The following ANKS1B variants were observed in gnomAD, a reference collection of about 807,000 sequenced individuals.
ANKS1B encodes the protein ankyrin repeat and sterile alpha motif domain-containing protein 1B.
Under a neutral mutation model 148.3 loss-of-function variants are expected in ANKS1B, and 36 were observed. That is an observed-to-expected ratio of 0.24 (90% CI 0.19 to 0.32). The LOEUF is 0.32. Ranked by LOEUF, ANKS1B falls within the 10% of genes least tolerant of loss-of-function variation. The pLI, the probability that ANKS1B is intolerant of heterozygous loss-of-function variation, is 1.00. For synonymous variants in ANKS1B, 542 were observed against 560.8 expected, an observed-to-expected ratio of 0.97 and a Z score of 0.47; for missense variants, 1,157 against 1,542.6, an observed-to-expected ratio of 0.75 and a Z score of 4.19.
chr12:99,209,633 C>T (rs1002060461), intron 14 of ANKS1B, among the ~76,000 whole-genome samples: 9 of 152,174 alleles, frequency 5.9e-5, no homozygotes, highest in African/African-American at 2.2e-4. Flanking sequence ...TAACCAGAGA[C>T]ATTCAAACTA....
At chr12:99,675,921 T>C (rs1380994750) in intron 8 of ANKS1B, among the ~76,000 whole-genome samples, 2 of 152,166 alleles carry the variant, frequency 1.3e-5, no homozygotes, top group East Asian at 3.8e-4. Flanking sequence ...TTCTGTTTCA[T>C]TTTTATAGTG....
intron 1 of ANKS1B, among the ~76,000 whole-genome samples, chr12:99,869,000 C>T (rs535339405): frequency 8.9e-4 from 135 of 151,876 alleles, no homozygotes; most frequent in Middle Eastern, 6.9e-3. Context: ...GAGGTTGTAG[C>T]GAGTGGAGAT....
At chr12:98,759,673 A>G (rs1285219584) in intron 25 of ANKS1B, among the ~76,000 whole-genome samples, 3 of 152,210 alleles carry the variant, frequency 2.0e-5, no homozygotes, top group South Asian at 2.1e-4. Context: ...AATATTCATT[A>G]AAGTGTTTAA....
chr12:98,887,339 C>T (rs2099742362), intron 17 of ANKS1B, among the ~76,000 whole-genome samples: 1 of 152,114 alleles, frequency 6.6e-6, no homozygotes, highest in Non-Finnish European at 1.5e-5. Context: ...TTGCGTTTTC[C>T]CATGCCCTGG....
chr12:99,140,137 T>C (rs2070111814), intron 15 of ANKS1B, among the ~76,000 whole-genome samples: 1 of 152,164 alleles, frequency 6.6e-6, no homozygotes, highest in Non-Finnish European at 1.5e-5. Context: ...GTGGGTGTCT[T>C]TGAGCATGTT....
chr12:98,820,424 C>T (rs1388686178), intron 19 of ANKS1B, among the ~76,000 whole-genome samples: 1 of 152,188 alleles, frequency 6.6e-6, no homozygotes, highest in Non-Finnish European at 1.5e-5. Flanking sequence ...GTGTATTTCC[C>T]TAAAAAACTG....
At chr12:99,915,984 T>C (rs1565991737) in intron 1 of ANKS1B, among the ~76,000 whole-genome samples, 1 of 152,202 alleles carries the variant, frequency 6.6e-6, no homozygotes. Context: ...TTCTTTTTGA[T>C]AAGAATACCA....
At chr12:99,550,072 ACTCT>A (rs540660429) in intron 9 of ANKS1B, among the ~76,000 whole-genome samples, 29 of 151,656 alleles carry the variant, frequency 1.9e-4, no homozygotes, top group African/African-American at 6.5e-4. Flanking sequence ...TGAGCCAGCA[ACTCT>A]CTCTCTCTTT....
At chr12:99,262,823 C>G (rs1042619151) in intron 12 of ANKS1B, among the ~76,000 whole-genome samples, 4 of 151,902 alleles carry the variant, frequency 2.6e-5, no homozygotes, top group South Asian at 2.1e-4. Flanking sequence ...TTGTTTCTCT[C>G]TTTTTATAAA....
chr12:99,718,914 A>C (rs980185438), intron 8 of ANKS1B, among the ~76,000 whole-genome samples: 3 of 152,022 alleles, frequency 2.0e-5, no homozygotes, highest in Admixed American at 6.6e-5. Context: ...TTTCATCCTC[A>C]TCTGTTACCA....
chr12:99,412,476 G>A (rs150266191), intron 11 of ANKS1B, among the ~76,000 whole-genome samples: 67 of 152,272 alleles, frequency 4.4e-4, no homozygotes, highest in Non-Finnish European at 8.2e-4. Flanking sequence ...GAGATTCTTC[G>A]CAGAGGTCTA....
chr12:98,821,666 T>C (rs1007608484), intron 19 of ANKS1B, among the ~76,000 whole-genome samples: 1 of 152,194 alleles, frequency 6.6e-6, no homozygotes, highest in Non-Finnish European at 1.5e-5. Flanking sequence ...TGGAGTGCAG[T>C]GGTGCGATCT....
intron 17 of ANKS1B, among the ~76,000 whole-genome samples, chr12:98,858,671 G>C (rs2099584019): frequency 6.6e-6 from 1 of 152,150 alleles, no homozygotes; most frequent in South Asian, 2.1e-4. Flanking sequence ...AGAGCTTTGA[G>C]AGATAGGTAT....
At chr12:98,968,622 C>T (rs562883052) in intron 17 of ANKS1B, among the ~76,000 whole-genome samples, 1 of 152,198 alleles carries the variant, frequency 6.6e-6, no homozygotes, top group East Asian at 1.9e-4. Context: ...GGTATCTAAC[C>T]CTTCACCTTT....
chr12:98,961,195 CA>C (rs2099870828), intron 17 of ANKS1B, among the ~76,000 whole-genome samples: 1 of 152,082 alleles, frequency 6.6e-6, no homozygotes, highest in South Asian at 2.1e-4. Flanking sequence ...AAGACTACCT[CA>C]AGACGTTTAA....
At chr12:98,854,486 T>G (rs1251914204) in intron 17 of ANKS1B, among the ~76,000 whole-genome samples, 1 of 150,526 alleles carries the variant, frequency 6.6e-6, no homozygotes, top group African/African-American at 2.4e-5. Context: ...ACAACCTGTA[T>G]GGAAAGCAAC....
At chr12:99,240,224 C>T (rs1466316586) in intron 14 of ANKS1B, among the ~76,000 whole-genome samples, 1 of 151,942 alleles carries the variant, frequency 6.6e-6, no homozygotes, top group African/African-American at 2.4e-5. Flanking sequence ...GGAAGATCTA[C>T]CAAGCAAATG....
intron 17 of ANKS1B, among the ~76,000 whole-genome samples, chr12:98,862,395 G>A (rs2099603662): frequency 6.6e-6 from 1 of 152,136 alleles, no homozygotes; most frequent in Non-Finnish European, 1.5e-5. Context: ...AGAATTAAAT[G>A]AGCTGATCTA....
intron 17 of ANKS1B, among the ~76,000 whole-genome samples, chr12:98,865,457 T>C (rs2152283631): frequency 6.6e-6 from 1 of 152,336 alleles, no homozygotes; most frequent in East Asian, 1.9e-4. Flanking sequence ...CCTGGCATTA[T>C]TCTAGAGCTT....
Sources: allele counts gnomAD v4.1 joint callset (sites outside exome capture counted in the v4.1 genomes callset), GRCh38; gene constraint gnomAD v4.1.1; transcripts MANE v1.5; gene names NCBI Gene and HGNC (gene_info 2026-07-23, HGNC 2026-07-21).